The following PTPRM variants were observed in gnomAD, a reference collection of about 807,000 sequenced individuals.
PTPRM encodes the protein protein tyrosine phosphatase receptor type M.
Under a neutral mutation model 186.7 loss-of-function variants are expected in PTPRM, and 47 were observed. That is an observed-to-expected ratio of 0.25 (90% CI 0.20 to 0.32). The LOEUF is 0.32. Ranked by LOEUF, PTPRM falls within the 10% of genes least tolerant of loss-of-function variation. PTPRM has a pLI of 1.00. For missense variants in PTPRM, 1,494 were observed against 1,865.0 expected, an observed-to-expected ratio of 0.80 and a Z score of 3.66; for synonymous variants, 668 against 674.9, an observed-to-expected ratio of 0.99 and a Z score of 0.16.
chr18:8,081,310 C>T (rs1420256706), intron 9 of PTPRM, among the ~76,000 whole-genome samples: 1 of 152,214 alleles, frequency 6.6e-6, no homozygotes, highest in Non-Finnish European at 1.5e-5. Flanking sequence ...ATCTAACCCT[C>T]ACACATGATG....
At chr18:7,958,607 T>C (rs2053471378) in intron 7 of PTPRM, among the ~76,000 whole-genome samples, 1 of 152,200 alleles carries the variant, frequency 6.6e-6, no homozygotes, top group Admixed American at 6.5e-5. Context: ...GAAGATCTCT[T>C]CAGTATGAAA....
At chr18:7,628,452 A>G (rs1427698507) in intron 1 of PTPRM, among the ~76,000 whole-genome samples, 1 of 152,272 alleles carries the variant, frequency 6.6e-6, no homozygotes, top group East Asian at 1.9e-4. Flanking sequence ...AATTGCAGCT[A>G]TCATACAAAA....
intron 11 of PTPRM, among the ~76,000 whole-genome samples, chr18:8,100,394 G>A (rs1459453077): frequency 6.6e-6 from 1 of 152,130 alleles, no homozygotes; most frequent in Non-Finnish European, 1.5e-5. Context: ...ACCCACCTTG[G>A]CGTCCCAAAG....
intron 1 of PTPRM, among the ~76,000 whole-genome samples, chr18:7,644,053 C>T (rs1316711698): frequency 6.6e-6 from 1 of 152,060 alleles, no homozygotes; most frequent in East Asian, 1.9e-4. Context: ...GCTAGTATTA[C>T]TTATTAAAAT....
chr18:7,629,415 C>G (rs2038138670), intron 1 of PTPRM, among the ~76,000 whole-genome samples: 1 of 152,106 alleles, frequency 6.6e-6, no homozygotes, highest in Non-Finnish European at 1.5e-5. Context: ...TTCTGGTTAC[C>G]CTGAGATGTT....
At chr18:8,258,009 G>A (rs1435648682) in intron 19 of PTPRM, among the ~76,000 whole-genome samples, 1 of 152,174 alleles carries the variant, frequency 6.6e-6, no homozygotes, top group East Asian at 1.9e-4. Flanking sequence ...TAACAAGGTA[G>A]TCATATGGCA....
intron 9 of PTPRM, 116 bp downstream of exon 9, chr18:8,076,680 C>A: frequency 1.8e-6 from 1 of 547,572 alleles, no homozygotes; most frequent in Non-Finnish European, 3.2e-6. Context: ...AAGTTTAATG[C>A]TTTCAGTAGT....
intron 14 of PTPRM, among the ~76,000 whole-genome samples, chr18:8,173,959 C>A (rs1310328427): frequency 6.6e-6 from 1 of 151,878 alleles, no homozygotes; most frequent in Non-Finnish European, 1.5e-5. Flanking sequence ...CCCAGCTACT[C>A]TGGAAGCTGA....
chr18:8,248,514 A>G (rs866494142), intron 17 of PTPRM, among the ~76,000 whole-genome samples: 3 of 152,324 alleles, frequency 2.0e-5, no homozygotes, highest in Admixed American at 6.5e-5. Context: ...TCAGCTGTGT[A>G]CTTTCCAAGA....
In PTPRM at chr18:7,791,282, CT is replaced by C. The variant is rs551977337; in HGVS notation, c.196+17014del. On this transcript the variant is annotated intron_variant, in intron 2 of 32. Transcript: ENST00000580170. ...AGAACTTTCCAAAGAAAAGGAAACT[CT>C]TTGTTTTTTGCTAAGAATTTACATA... 7.2e-5 allele frequency among the ~76,000 whole-genome samples: 11 copies of C among 151,944 alleles called. No homozygotes were observed. In the East Asian group the frequency reaches 2.1e-3, roughly 29 times the overall value.
intron 23 of PTPRM, among the ~76,000 whole-genome samples, chr18:8,354,202 G>T (rs1349579170): frequency 3.3e-5 from 4 of 120,274 alleles, no homozygotes; most frequent in Non-Finnish European, 7.2e-5. Flanking sequence ...GACAGAGTGA[G>T]ATTCCGTCTT....
At chr18:7,880,842 A>G (rs2048470684) in intron 2 of PTPRM, among the ~76,000 whole-genome samples, 1 of 152,222 alleles carries the variant, frequency 6.6e-6, no homozygotes, top group Admixed American at 6.5e-5. Flanking sequence ...TGTAAAGGAC[A>G]AATTAAAAAT....
chr18:8,320,737 C>T (rs1568741322), intron 22 of PTPRM, among the ~76,000 whole-genome samples: 5 of 152,292 alleles, frequency 3.3e-5, no homozygotes, highest in African/African-American at 1.2e-4. Flanking sequence ...TCCACAGTCT[C>T]ACATCACCAC....
At chr18:8,391,385 T>G (rs1208038483) in intron 31 of PTPRM, among the ~76,000 whole-genome samples, 1 of 152,256 alleles carries the variant, frequency 6.6e-6, no homozygotes, top group Non-Finnish European at 1.5e-5. Context: ...CAGTGGGTAT[T>G]CATTCAGTGG....
chr18:7,949,163 C>G lies in PTPRM; in HGVS notation c.664-18C>G, dbSNP rs766195551. ...CTTATATTGCTTCTTTTTGTCCTCC[C>G]CACCCCACTTGATACAGGGCATTGA... On this transcript the variant is annotated intron_variant, in intron 5 of 32. Coordinates refer to ENST00000580170, the MANE Select transcript of PTPRM (RefSeq NM_001105244.2). The G allele has an allele frequency of 1.3e-6, 2 of 1,573,766 alleles. No homozygotes were observed. The highest frequency in any genetic ancestry group is 1.7e-5 in the Admixed American group (1 of 59,028).
At chr18:8,354,732 C>T (rs186948250) in intron 23 of PTPRM, among the ~76,000 whole-genome samples, 62 of 152,310 alleles carry the variant, frequency 4.1e-4, no homozygotes, top group Non-Finnish European at 3.7e-4. Flanking sequence ...CAGTGCCCCC[C>T]GTTAGCACTG....
At chr18:7,637,800 A>G (rs1315058531) in intron 1 of PTPRM, among the ~76,000 whole-genome samples, 4 of 152,344 alleles carry the variant, frequency 2.6e-5, no homozygotes, top group African/African-American at 7.2e-5. Flanking sequence ...ATAGGGTTTC[A>G]TTAGAACAGA....
chr18:7,633,427 G>A (rs544515058), intron 1 of PTPRM, among the ~76,000 whole-genome samples: 1 of 152,104 alleles, frequency 6.6e-6, no homozygotes, highest in African/African-American at 2.4e-5. Flanking sequence ...CATCCTTTCT[G>A]GTTTCTTCAA....
At chr18:7,754,295 A>C (rs1445192961) in intron 1 of PTPRM, among the ~76,000 whole-genome samples, 1 of 152,158 alleles carries the variant, frequency 6.6e-6, no homozygotes, top group Non-Finnish European at 1.5e-5. Flanking sequence ...GTTTAAAGAG[A>C]CCCTGTGCAA....
Sources: gnomAD v4.1 joint callset for allele counts (sites outside exome capture counted in the v4.1 genomes callset) on GRCh38, gnomAD v4.1.1 for gene constraint, MANE v1.5 for transcripts, NCBI Gene and HGNC (gene_info 2026-07-23, HGNC 2026-07-21) for gene names.